The following ATP6V1H variants were observed in gnomAD, a reference collection of about 807,000 sequenced individuals.
ATP6V1H encodes V-type proton ATPase subunit H.
In ATP6V1H, 39 loss-of-function variants were observed where a neutral mutation model predicts 71.7. That is an observed-to-expected ratio of 0.54 (90% confidence interval 0.42 to 0.71). ATP6V1H has a LOEUF of 0.71. Among genes scored for constraint, ATP6V1H ranks in the 30% least tolerant of loss-of-function variants. The probability of loss-of-function intolerance (pLI) is 0.00; values close to 1 mark genes in which losing one functional copy is unlikely to be tolerated. For synonymous variants in ATP6V1H, 192 were observed against 199.3 expected (o/e 0.96, Z 0.31); for missense variants, 509 against 594.9 (o/e 0.86, Z 1.50).
chr8:53,758,971 A>G (rs1370318258), intron 11 of ATP6V1H, among the ~76,000 whole-genome samples: 3 of 152,240 alleles, frequency 2.0e-5, no homozygotes, highest in Non-Finnish European at 4.4e-5. Context: ...ATTCTCAGTG[A>G]CTTAAGCCAT....
At chr8:53,754,901 A>AG (rs1430261871) in intron 12 of ATP6V1H, among the ~76,000 whole-genome samples, 4 of 152,234 alleles carry the variant, frequency 2.6e-5, no homozygotes, top group Admixed American at 2.6e-4. Flanking sequence ...CACCAGCCAG[A>AG]GGACATTTGT....
chr8:53,767,023 T>G (rs2130301783), intron 11 of ATP6V1H, among the ~76,000 whole-genome samples: 1 of 152,266 alleles, frequency 6.6e-6, no homozygotes, highest in South Asian at 2.1e-4. Flanking sequence ...AACTTGCTGG[T>G]TTTTGTGGCT....
chr8:53,736,194 C>G (rs1306154890), intron 13 of ATP6V1H, among the ~76,000 whole-genome samples: 2 of 152,126 alleles, frequency 1.3e-5, no homozygotes, highest in Admixed American at 1.3e-4. Context: ...TAAGTGTCCC[C>G]ACTGTACACA....
chr8:53,773,419 G>T (rs906558947), intron 9 of ATP6V1H, among the ~76,000 whole-genome samples: 1 of 152,092 alleles, frequency 6.6e-6, no homozygotes. Flanking sequence ...AGACTGAAAA[G>T]GCAACTACTT....
At chr8:53,726,572 CAG>C (rs1806820355) in intron 13 of ATP6V1H, among the ~76,000 whole-genome samples, 1 of 152,168 alleles carries the variant, frequency 6.6e-6, no homozygotes, top group Admixed American at 6.5e-5. Flanking sequence ...ATTTGAAGAA[CAG>C]AGATTCAAAC....
chr8:53,802,695 G>A (rs1207314745), intron 7 of ATP6V1H, among the ~76,000 whole-genome samples: 1 of 152,006 alleles, frequency 6.6e-6, no homozygotes, highest in Non-Finnish European at 1.5e-5. Context: ...ACTCCAGCCT[G>A]GACGACAGAG....
intron 13 of ATP6V1H, among the ~76,000 whole-genome samples, chr8:53,729,922 A>G (rs1009691343): frequency 6.6e-6 from 1 of 152,196 alleles, no homozygotes; most frequent in African/African-American, 2.4e-5. Context: ...CCAGGCAGGA[A>G]GCAAGGGAGC....
At chr8:53,829,608 G>T in intron 3 of ATP6V1H, 75 bp from the exon 4 acceptor site, 1 of 886,012 alleles carries the variant, frequency 1.1e-6, no homozygotes, top group Non-Finnish European at 1.7e-6. Flanking sequence ...GTAAAACATT[G>T]TCTCTCTTTC....
At chr8:53,734,866 G>C (rs1023915836) in intron 13 of ATP6V1H, among the ~76,000 whole-genome samples, 6 of 152,200 alleles carry the variant, frequency 3.9e-5, no homozygotes, top group African/African-American at 9.6e-5. Context: ...CCAGACAGAA[G>C]GAGGACAAAT....
chr8:53,727,698 C>A (rs1330156189), intron 13 of ATP6V1H, among the ~76,000 whole-genome samples: 2 of 152,214 alleles, frequency 1.3e-5, no homozygotes, highest in Non-Finnish European at 2.9e-5. Flanking sequence ...TTAAATATGT[C>A]GCTCTAGCTT....
chr8:53,828,998 C>T (rs1163122299), intron 4 of ATP6V1H, among the ~76,000 whole-genome samples: 1 of 152,140 alleles, frequency 6.6e-6, no homozygotes, highest in Non-Finnish European at 1.5e-5. Flanking sequence ...CAACTGGAAA[C>T]GTTTTCGATG....
intron 12 of ATP6V1H, among the ~76,000 whole-genome samples, chr8:53,750,246 G>T (rs1284967581): frequency 3.9e-5 from 6 of 152,074 alleles, no homozygotes; most frequent in East Asian, 1.9e-4. Context: ...CAAGTAATTG[G>T]ATCAAAAGTG....
intron 12 of ATP6V1H, among the ~76,000 whole-genome samples, chr8:53,745,704 C>A (rs1430784638): frequency 6.6e-6 from 1 of 151,512 alleles, no homozygotes; most frequent in Non-Finnish European, 1.5e-5. Context: ...TCACCACACA[C>A]ACACACACAA....
intron 7 of ATP6V1H, among the ~76,000 whole-genome samples, chr8:53,804,441 G>A (rs1182506651): frequency 6.6e-6 from 1 of 152,172 alleles, no homozygotes; most frequent in Admixed American, 6.5e-5. Flanking sequence ...TTCGGAGGCC[G>A]AGGAGGGTAG....
Position 53,735,537 on chromosome 8 carries a change from T to A in ATP6V1H, c.1391+8040A>T, listed in dbSNP as rs116154682. On this transcript the variant is annotated intron_variant, in intron 13 of 13. Transcript: ENST00000359530. ...TTTTTGCCTATGCTCCTCCTCCAAG[T>A]CAGGTGCACCCCCACCAAACAAACT... Among the ~76,000 whole-genome samples the A allele has an allele frequency of 6.3e-3, 967 of 152,288 alleles. 15 individuals are homozygous for A. The highest frequency in any genetic ancestry group is 0.022 in the African/African-American group (906 of 41,548).
At position 53,809,053 on chromosome 8, in the gene ATP6V1H, C is replaced by T. The variant is rs75533234; in HGVS notation, c.579+2111G>A. Among the ~76,000 whole-genome samples, 12 of 152,248 alleles carry T rather than the reference C, an allele frequency of 7.9e-5. 1 individual carries two copies. The East Asian group carries it at 1.7e-3, about 22-fold the overall frequency. On this transcript the variant is annotated intron_variant, in intron 7 of 13. Coordinates refer to ENST00000359530, the MANE Select transcript of ATP6V1H (RefSeq NM_015941.4). ...TAAAAAGTCTGAGTAAGCAATGCAACTTGAGGAATGCCTAAAGATGCAATT... is the reference window on the plus strand; with the variant it reads ...TAAAAAGTCTGAGTAAGCAATGCAATTTGAGGAATGCCTAAAGATGCAATT...
At chr8:53,795,068 G>C (rs989150786) in intron 9 of ATP6V1H, among the ~76,000 whole-genome samples, 4 of 152,014 alleles carry the variant, frequency 2.6e-5, no homozygotes, top group Non-Finnish European at 2.9e-5. Context: ...ACTGGCTCTC[G>C]GTAGCCAATT....
intron 11 of ATP6V1H, among the ~76,000 whole-genome samples, chr8:53,758,170 T>C (rs1225233764): frequency 2.0e-5 from 3 of 152,248 alleles, no homozygotes; most frequent in Non-Finnish European, 4.4e-5. Context: ...CAAATTATTC[T>C]AAAATTACAT....
intron 6 of ATP6V1H, among the ~76,000 whole-genome samples, chr8:53,813,873 T>C (rs747193379): frequency 3.3e-5 from 5 of 152,198 alleles, no homozygotes; most frequent in Non-Finnish European, 5.9e-5. Context: ...AACTGTGAAA[T>C]TGTGAGAACG....
Sources: allele counts gnomAD v4.1 joint callset (sites outside exome capture counted in the v4.1 genomes callset), GRCh38; gene constraint gnomAD v4.1.1; transcripts MANE v1.5; gene names NCBI Gene and HGNC (gene_info 2026-07-23, HGNC 2026-07-21).